The following PIK3C2G variants were observed in gnomAD, a reference collection of about 807,000 sequenced individuals.
PIK3C2G encodes the protein phosphatidylinositol 3-kinase C2 domain-containing subunit gamma.
PIK3C2G carries 168 observed loss-of-function variants against 181.1 expected under a neutral mutation model. That is an observed-to-expected ratio of 0.93 (90% CI 0.82 to 1.05). PIK3C2G has a LOEUF of 1.05. PIK3C2G is among the 50% of genes least tolerant of loss of function. The probability of loss-of-function intolerance (pLI) is 0.00; values close to 1 mark genes in which losing one functional copy is unlikely to be tolerated. For missense variants in PIK3C2G, 1,869 were observed against 1,732.8 expected, an observed-to-expected ratio of 1.08 and a Z score of -1.40; for synonymous variants, 573 against 592.2, an observed-to-expected ratio of 0.97 and a Z score of 0.47.
At chr12:18,446,007 T>C (rs1029073380) in intron 18 of PIK3C2G, among the ~76,000 whole-genome samples, 4 of 152,188 alleles carry the variant, frequency 2.6e-5, no homozygotes, top group African/African-American at 9.7e-5. Context: ...CTTTCGGATT[T>C]TGTAACCTAG....
chr12:18,697,900 A>G, the PIK3C2G span, among the ~76,000 whole-genome samples: 1 of 152,130 alleles, frequency 6.6e-6, no homozygotes, highest in African/African-American at 2.4e-5. Context: ...CTTTTGGTGC[A>G]AGAAAAATGC....
At chr12:18,294,060 T>G (rs1398922976) in intron 5 of PIK3C2G, 45 bp downstream of exon 5, 1 of 819,260 alleles carries the variant, frequency 1.2e-6, no homozygotes. Context: ...TCTGTAAATA[T>G]TAAGTTACCA....
chr12:18,289,086 T>A (rs943377971), intron 3 of PIK3C2G, among the ~76,000 whole-genome samples: 4 of 152,220 alleles, frequency 2.6e-5, no homozygotes, highest in African/African-American at 4.8e-5. Flanking sequence ...ATTAAATGTA[T>A]ACATGCATAA....
chr12:18,650,005 C>A (rs1444852228), downstream of PIK3C2G, among the ~76,000 whole-genome samples: 2 of 152,032 alleles, frequency 1.3e-5, no homozygotes, highest in African/African-American at 4.8e-5. Flanking sequence ...ATGATCTCAT[C>A]TCTCAAGGCT....
chr12:18,281,861 GTTTTATAGTACTTAAGGAA>G (rs1949233687), intron 1 of PIK3C2G, 124 bp from the exon 2 acceptor site: 2 of 501,802 alleles, frequency 4.0e-6, no homozygotes, highest in Non-Finnish European at 7.1e-6. Flanking sequence ...CCCTGATAGA[GTTTTATAGTACTTAAGGAA>G]TTATTTCACT....
At chr12:18,544,021 G>T (rs962972160) in intron 25 of PIK3C2G, among the ~76,000 whole-genome samples, 1 of 151,838 alleles carries the variant, frequency 6.6e-6, no homozygotes, top group Non-Finnish European at 1.5e-5. Context: ...ACCAAAATAT[G>T]ATTGTACAAA....
chr12:18,555,452 C>T (rs1296651453), intron 26 of PIK3C2G, among the ~76,000 whole-genome samples: 1 of 152,114 alleles, frequency 6.6e-6, no homozygotes. Context: ...GACTGATAGA[C>T]TCAATTGCCC....
intron 18 of PIK3C2G, among the ~76,000 whole-genome samples, chr12:18,435,896 T>C (rs1451884557): frequency 6.6e-6 from 1 of 151,932 alleles, no homozygotes; most frequent in East Asian, 1.9e-4. Flanking sequence ...ATTTCATACT[T>C]TACTTGACCA....
intron 5 of PIK3C2G, among the ~76,000 whole-genome samples, chr12:18,295,865 A>G (rs971111772): frequency 6.6e-6 from 1 of 152,056 alleles, no homozygotes; most frequent in African/African-American, 2.4e-5. Context: ...TAGTCATTCA[A>G]ATATTACTTT....
chr12:18,616,363 C>T (rs1449110426), intron 31 of PIK3C2G, among the ~76,000 whole-genome samples: 2 of 152,048 alleles, frequency 1.3e-5, no homozygotes, highest in African/African-American at 4.8e-5. Context: ...CTTAAGTGTA[C>T]ATCATGTGAA....
chr12:18,349,286 T>C (rs1939987027), intron 11 of PIK3C2G, among the ~76,000 whole-genome samples: 1 of 152,098 alleles, frequency 6.6e-6, no homozygotes, highest in Non-Finnish European at 1.5e-5. Context: ...CAGAGGTATC[T>C]CCAGAAGCAT....
At chr12:18,446,536 C>A (rs1442467874) in intron 18 of PIK3C2G, among the ~76,000 whole-genome samples, 1 of 152,122 alleles carries the variant, frequency 6.6e-6, no homozygotes, top group Non-Finnish European at 1.5e-5. Flanking sequence ...AATGTACCAC[C>A]CATACCGTGT....
chr12:18,505,620 T>C (rs1045931900), intron 24 of PIK3C2G, among the ~76,000 whole-genome samples, 159 bp downstream of exon 24: 1 of 152,092 alleles, frequency 6.6e-6, no homozygotes, highest in Non-Finnish European at 1.5e-5. Context: ...TGAAGAAAAG[T>C]TTTAAAGTAG....
intron 2 of PIK3C2G, among the ~76,000 whole-genome samples, chr12:18,285,001 T>C (rs1364669531): frequency 1.3e-5 from 2 of 151,970 alleles, no homozygotes; most frequent in Non-Finnish European, 2.9e-5. Flanking sequence ...ATAGAAAATA[T>C]CAAATTACAG....
intron 24 of PIK3C2G, among the ~76,000 whole-genome samples, chr12:18,507,699 C>T (rs189982897): frequency 1.8e-3 from 271 of 152,130 alleles, no homozygotes; most frequent in African/African-American, 6.2e-3. Context: ...GTTTTGTACA[C>T]TGGCAATTTG....
chr12:18,323,554 C>A (rs1951201910), intron 7 of PIK3C2G, among the ~76,000 whole-genome samples: 1 of 152,076 alleles, frequency 6.6e-6, no homozygotes, highest in African/African-American at 2.4e-5. Flanking sequence ...TCATAAAGGC[C>A]ACTGTAGAAC....
At chr12:18,249,928 TTA>T (rs1491518631) in intron 1 of PIK3C2G, among the ~76,000 whole-genome samples, 1 of 88,610 alleles carries the variant, frequency 1.1e-5, no homozygotes, top group East Asian at 4.0e-4. Flanking sequence ...TAGTTCCTTT[TTA>T]AAAAAAAAAA....
At chr12:18,687,885 A>G in the PIK3C2G span, among the ~76,000 whole-genome samples, 1 of 152,062 alleles carries the variant, frequency 6.6e-6, no homozygotes, top group Non-Finnish European at 1.5e-5. Context: ...ACATTTCTGT[A>G]TTCATAATCT....
chr12:18,267,458 G>C (rs1033417896), intron 1 of PIK3C2G, among the ~76,000 whole-genome samples: 3 of 152,002 alleles, frequency 2.0e-5, no homozygotes, highest in African/African-American at 4.8e-5. Flanking sequence ...TTTATGTCTT[G>C]ATAAGCATTC....
Sources: gnomAD v4.1 joint callset for allele counts (sites outside exome capture counted in the v4.1 genomes callset) on GRCh38, gnomAD v4.1.1 for gene constraint, MANE v1.5 for transcripts, NCBI Gene and HGNC (gene_info 2026-07-23, HGNC 2026-07-21) for gene names.